ZNF688: variants seen among roughly 807,000 people sequenced by gnomAD.
ZNF688 encodes the protein zinc finger protein 688.
Under a neutral mutation model 13.2 loss-of-function variants are expected in ZNF688, and 10 were observed. That is an observed-to-expected ratio of 0.76 (90% confidence interval 0.47 to 1.28). The LOEUF (loss-of-function observed/expected upper bound fraction) is 1.28. Ranked by LOEUF, ZNF688 falls within the 50% of genes most tolerant of loss-of-function variation. The pLI, the probability that ZNF688 is intolerant of heterozygous loss-of-function variation, is 0.00. For synonymous variants in ZNF688, 160 were observed against 159.4 expected, an observed-to-expected ratio of 1.00 and a Z score of -0.03; for missense variants, 381 against 391.4, an observed-to-expected ratio of 0.97 and a Z score of 0.22.
chr16:30,569,922 G>T lies in ZNF688; in HGVS notation c.825C>A (p.Cys275Ter), dbSNP rs2051643124. 2 of 1,541,680 alleles carry T rather than the reference G, an allele frequency of 1.3e-6. No homozygotes were observed. Among genetic ancestry groups the T allele is most frequent in the Non-Finnish European group, 1.7e-6 (2 of 1,144,438 alleles). ...CTCCAGCCTGCGGTGCCGCTCAGCC[G>T]CACTCCTCGAAGATGTCTGGGTAGT... is the stretch of plus-strand genomic sequence containing the variant. Reference protein sequence around the residue: ...FRHYPDIFEECG With the variant: ...FRHYPDIFEE Residue 275 changes from cysteine (C) to a stop codon, truncating the protein, a stop_gained, in exon 3 of 3, where the codon TGC becomes TGA. Coordinates refer to ENST00000223459, the MANE Select transcript of ZNF688 (RefSeq NM_145271.4). LOFTEE classifies it high-confidence loss of function.
chr16:30,571,224 C>T, intron 1 of ZNF688, 101 bp from the exon 2 acceptor site: 3 of 1,532,532 alleles, frequency 2.0e-6, no homozygotes, highest in Admixed American at 2.1e-5. Context: ...TTATACTCAA[C>T]CTGGAAGGGG....
upstream of ZNF688, chr16:30,572,694 C>T (rs1179792724): frequency 6.3e-6 from 1 of 157,758 alleles, no homozygotes. Context: ...ACCTCAGCCT[C>T]CCGAGTAGCT....
At chr16:30,572,045 G>A, upstream of ZNF688, 2 of 1,420,490 alleles carry the variant, frequency 1.4e-6, no homozygotes, top group Admixed American at 2.6e-5. Context: ...TTCTAGTGGG[G>A]GAGGCGGGGT....
chr16:30,575,405 C>G (rs1412857044), upstream of ZNF688, among the ~76,000 whole-genome samples: 1 of 151,976 alleles, frequency 6.6e-6, no homozygotes, highest in Non-Finnish European at 1.5e-5. Context: ...CTCCATCACA[C>G]CCAGCTAAAT....
intron 1 of ZNF688, 108 bp downstream of exon 1, chr16:30,571,326 G>A (rs1309894603): frequency 1.0e-5 from 16 of 1,535,846 alleles, no homozygotes; most frequent in Admixed American, 2.0e-5. Context: ...GGCTGCTGGT[G>A]TTGGTGCAAG....
upstream of ZNF688, among the ~76,000 whole-genome samples, chr16:30,575,490 C>T (rs141941533): frequency 3.1e-3 from 468 of 152,140 alleles, 5 homozygotes; most frequent in Admixed American, 8.0e-3. Context: ...TGGTGATCGA[C>T]CAGCCTTGGC....
chr16:30,578,114 A>C, the ZNF688 span, among the ~76,000 whole-genome samples: 1 of 152,192 alleles, frequency 6.6e-6, no homozygotes, highest in Non-Finnish European at 1.5e-5. Flanking sequence ...TCAGATAGAC[A>C]GATCACTTGA....
At position 30,570,996 on chromosome 16, in the gene ZNF688, G is replaced by A. The variant is rs1175403024; in HGVS notation, c.310+14C>T. 1.2e-6 allele frequency: 2 copies of A among 1,613,612 alleles called. No individual in the cohort carries two copies. The highest frequency in any genetic ancestry group is 1.7e-5 in the Admixed American group (1 of 59,960). Reference sequence around the variant, plus strand: ...CTGGAAAACCAAGTGGGGGGACCCGGGACTATCCCTCACCTCTCCGAGCTC... The same window carrying A: ...CTGGAAAACCAAGTGGGGGGACCCGAGACTATCCCTCACCTCTCCGAGCTC... On this transcript the variant is annotated intron_variant, in intron 2 of 2. Coordinates refer to ENST00000223459, the MANE Select transcript of ZNF688 (RefSeq NM_145271.4).
In ZNF688 at chr16:30,570,220, G is replaced by C; in HGVS notation, c.527C>G (p.Ala176Gly). The C allele has an allele frequency of 6.2e-7, 1 of 1,613,180 alleles. No individual in the cohort carries two copies. Among genetic ancestry groups the C allele is most frequent in the Non-Finnish European group, 8.5e-7 (1 of 1,179,734 alleles). ...CACGTGGCGCCGCTGGCCGGCCTGA[G>C]CATCCATGCTGGGTATGGGTGCCGG... Reference protein sequence around the residue: ...QPPAPIPSMDAQAGQRRHVCT... With the variant: ...QPPAPIPSMDGQAGQRRHVCT... The change falls in exon 3 of 3, where the codon GCT (alanine) becomes GGT (glycine). Residue 176 changes from alanine to glycine, a missense_variant. Coordinates refer to ENST00000223459, the MANE Select transcript of ZNF688 (RefSeq NM_145271.4).
upstream of ZNF688, among the ~76,000 whole-genome samples, chr16:30,576,907 T>C (rs1246391319): frequency 2.6e-5 from 4 of 151,998 alleles, no homozygotes; most frequent in African/African-American, 9.7e-5. Context: ...TCGTTGGAAC[T>C]AGAAGTGTGC....
chr16:30,572,078 T>C, upstream of ZNF688: 1 of 1,489,580 alleles, frequency 6.7e-7, no homozygotes, highest in Non-Finnish European at 9.0e-7. Context: ...GAGGAGAGGC[T>C]TCTTGCCTTC....
chr16:30,579,759 C>A, the ZNF688 span: 4 of 453,792 alleles, frequency 8.8e-6, no homozygotes, highest in Middle Eastern at 3.3e-4. Context: ...CACTGACCAC[C>A]AGTCCTGGAA....
At chr16:30,576,292 A>C, upstream of ZNF688, among the ~76,000 whole-genome samples, 1 of 152,226 alleles carries the variant, frequency 6.6e-6, no homozygotes, top group Admixed American at 6.5e-5. Flanking sequence ...GCTCACTGCA[A>C]GCTCCGCTTC....
Position 30,570,377 on chromosome 16 carries a change from T to C in ZNF688, c.370A>G (p.Arg124Gly). The change falls in exon 3 of 3, where the codon AGA (arginine) becomes GGA (glycine). Residue 124 changes from arginine to glycine, a missense_variant. By Grantham distance (125) the Arg-to-Gly change is moderately radical. Coordinates refer to ENST00000223459, the MANE Select transcript of ZNF688 (RefSeq NM_145271.4). ...GGACTCTCCTTCACAGGAGCCTTTCTAGGCCCTTTGGCTCTTGGGACTTCC... is the reference window on the plus strand; with the variant it reads ...GGACTCTCCTTCACAGGAGCCTTTCCAGGCCCTTTGGCTCTTGGGACTTCC... ...PEEVPRAKGP[R>G]KAPVKESPEV... is the part of the protein sequence containing the mutation. 2 of 1,613,962 alleles carry C rather than the reference T, an allele frequency of 1.2e-6. No individual in the cohort carries two copies. The highest frequency in any genetic ancestry group is 1.7e-6 in the Non-Finnish European group (2 of 1,180,028).
chr16:30,570,722 A>ATAT (rs1555512559), intron 2 of ZNF688: 2 of 297,984 alleles, frequency 6.7e-6, no homozygotes, highest in African/African-American at 4.9e-5. Context: ...AGCAGGGGCT[A>ATAT]TTATTTATTT....
At chr16:30,573,381 T>G (rs1484547517), upstream of ZNF688, among the ~76,000 whole-genome samples, 2 of 152,222 alleles carry the variant, frequency 1.3e-5, no homozygotes, top group Non-Finnish European at 1.5e-5. Context: ...TGTCCTGGGT[T>G]GTATCTTCCG....
rs1184020842 is a variant in ZNF688 at position 30,571,635 on chromosome 16, C to T, written c.-6G>A. 1.4e-6 allele frequency: 2 copies of T among 1,401,696 alleles called. No individual in the cohort carries two copies. The highest frequency in any genetic ancestry group is 1.5e-5 in the African/African-American group (1 of 65,286). The allele number at this position is 1,401,696 out of a possible 1,614,324, so 86.8% of individuals were successfully genotyped here. ...GGGGCTGGGGGCGGCGCCATGGGGCCTCGCAGCCCCGATCGGCGGCCGCCA... is the reference window on the plus strand; with the variant it reads ...GGGGCTGGGGGCGGCGCCATGGGGCTTCGCAGCCCCGATCGGCGGCCGCCA... On this transcript the variant is annotated 5_prime_UTR_variant, in exon 1 of 3. Coordinates refer to ENST00000223459, the MANE Select transcript of ZNF688 (RefSeq NM_145271.4).
At chr16:30,570,574 G>T in intron 2 of ZNF688, 138 bp from the exon 3 acceptor site, 1 of 1,094,730 alleles carries the variant, frequency 9.1e-7, no homozygotes, top group Non-Finnish European at 1.3e-6. Context: ...AGGTAAACAG[G>T]ATTCAGATCT....
chr16:30,571,705 T>C lies in ZNF688; in HGVS notation c.-76A>G, dbSNP rs2151231924. On this transcript the variant is annotated 5_prime_UTR_variant, in exon 1 of 3. Coordinates refer to ENST00000223459, the MANE Select transcript of ZNF688 (RefSeq NM_145271.4). ...TCCCCGCTCCCGGCCTCAGCTGTCG[T>C]TGTCCACAGGAAGGGCGGCCCCGCC... 7.4e-7 allele frequency: 1 copy of C among 1,354,120 alleles called. No individual in the cohort carries two copies. The highest frequency in any genetic ancestry group is 3.0e-5 in the East Asian group (1 of 32,958). The allele number at this position is 1,354,120 out of a possible 1,614,324, so 83.9% of individuals were successfully genotyped here.
Sources: gnomAD v4.1 joint callset for allele counts (sites outside exome capture counted in the v4.1 genomes callset) on GRCh38, gnomAD v4.1.1 for gene constraint, MANE v1.5 for transcripts, NCBI Gene and HGNC (gene_info 2026-07-23, HGNC 2026-07-21) for gene names.